The following SLC6A12 variants were observed in gnomAD, a reference collection of about 807,000 sequenced individuals.
The protein encoded by SLC6A12 is sodium- and chloride-dependent betaine transporter.
SLC6A12 carries 50 observed loss-of-function variants against 73.3 expected under a neutral mutation model. The observed-to-expected ratio is 0.68, with a 90% confidence interval of 0.54 to 0.86. The LOEUF is 0.86. SLC6A12 is among the 40% of genes least tolerant of loss of function. The pLI is 0.00. For synonymous variants in SLC6A12, 304 were observed against 309.2 expected (o/e 0.98, Z 0.18); for missense variants, 648 against 772.8 (o/e 0.84, Z 1.92).
intron 7 of SLC6A12, among the ~76,000 whole-genome samples, chr12:200,235 C>G (rs539693247): frequency 6.7e-6 from 1 of 148,376 alleles, no homozygotes; most frequent in South Asian, 2.2e-4. Flanking sequence ...CAGCCTCCTG[C>G]ATAGCTGGGA....
At chr12:185,182 G>A (rs1014467254), downstream of SLC6A12, among the ~76,000 whole-genome samples, 7 of 152,236 alleles carry the variant, frequency 4.6e-5, no homozygotes, top group African/African-American at 9.6e-5. Context: ...AAAGGCTGAG[G>A]CTGGACAGTG....
At chr12:183,893 A>G in the SLC6A12 span, among the ~76,000 whole-genome samples, 2 of 152,182 alleles carry the variant, frequency 1.3e-5, no homozygotes, top group African/African-American at 2.4e-5. Context: ...GATAATTCCA[A>G]TATCATATTA....
intron 3 of SLC6A12, among the ~76,000 whole-genome samples, chr12:208,870 C>T (rs1454807994): frequency 3.3e-5 from 5 of 152,134 alleles, no homozygotes; most frequent in Non-Finnish European, 7.3e-5. Context: ...ATTTTTACAC[C>T]CAGTGCTGAA....
downstream of SLC6A12, among the ~76,000 whole-genome samples, chr12:187,652 C>G (rs541372957): frequency 7.4e-6 from 1 of 135,790 alleles, no homozygotes; most frequent in African/African-American, 2.8e-5. Context: ...ACACAGCACC[C>G]ACTGCACACA....
chr12:209,126 C>T (rs1940792798), intron 3 of SLC6A12, among the ~76,000 whole-genome samples: 1 of 151,956 alleles, frequency 6.6e-6, no homozygotes, highest in Non-Finnish European at 1.5e-5. Context: ...CTGCAGCTTC[C>T]ACCCCCAGGA....
chr12:211,948 G>A (rs1482343202), intron 2 of SLC6A12, 78 bp downstream of exon 2: 1 of 152,192 alleles, frequency 6.6e-6, no homozygotes, highest in Non-Finnish European at 1.5e-5. Context: ...AGGAAGTGAA[G>A]CTCCAAGAGA....
In SLC6A12 at chr12:198,631, A is replaced by AT. The variant is rs1940046444; in HGVS notation, c.846+165dup. The AT allele has an allele frequency of 1.5e-6, 1 of 656,592 alleles. No homozygotes were observed. The highest frequency in any genetic ancestry group is 2.5e-6 in the Non-Finnish European group (1 of 401,688). 40.7% of individuals were successfully genotyped at this position (656,592 alleles called of 1,614,324 possible). ...TATTTGAGTGGTGGAATTACAAGAGATTTTTTTAGTTTCTTTTTTATAGCT... is the reference window on the plus strand; with the variant it reads ...TATTTGAGTGGTGGAATTACAAGAGATTTTTTTTAGTTTCTTTTTTATAGCT... On this transcript the variant is annotated intron_variant, in intron 8 of 15. Transcript: ENST00000684302. This position sits in a 1 kb window ranked among gnomAD's most constrained non-coding sequence, Gnocchi z 4.0.
At chr12:209,623 A>G in intron 3 of SLC6A12, 150 bp downstream of exon 3, 1 of 738,836 alleles carries the variant, frequency 1.4e-6, no homozygotes, top group Non-Finnish European at 2.3e-6. Flanking sequence ...TGAGGCTAGT[A>G]GTGGAGCTGG....
chr12:197,523 A>G, intron 9 of SLC6A12, 22 bp from the exon 10 acceptor site: 3 of 1,606,836 alleles, frequency 1.9e-6, no homozygotes, highest in Non-Finnish European at 2.6e-6. Flanking sequence ...GGGCAAGGGC[A>G]GACAGGAACG....
At chr12:212,892 G>C (rs983042846) in intron 1 of SLC6A12, among the ~76,000 whole-genome samples, 1 of 144,554 alleles carries the variant, frequency 6.9e-6, no homozygotes, top group Non-Finnish European at 1.5e-5. Context: ...AGCCGGGACA[G>C]GGGGGTGAGG....
chr12:207,671 A>T (rs906527865), intron 3 of SLC6A12, among the ~76,000 whole-genome samples: 6 of 152,198 alleles, frequency 3.9e-5, no homozygotes, highest in African/African-American at 1.4e-4. Context: ...AAGCAAAAAA[A>T]TAAAAGACAT....
At chr12:197,180 T>TCTA (rs1939952265) in intron 10 of SLC6A12, among the ~76,000 whole-genome samples, 197 bp downstream of exon 10, 1 of 57,212 alleles carries the variant, frequency 1.7e-5, no homozygotes, top group Non-Finnish European at 4.2e-5. Context: ...CATCCATCCA[T>TCTA]CCATCCATCC....
At chr12:199,498 G>A (rs140439710) in intron 7 of SLC6A12, among the ~76,000 whole-genome samples, 104 of 152,178 alleles carry the variant, frequency 6.8e-4, no homozygotes, top group Non-Finnish European at 1.3e-3. Context: ...GAGCAGCGGC[G>A]GCCGGAGCTC....
downstream of SLC6A12, among the ~76,000 whole-genome samples, chr12:188,999 G>A (rs1198716319): frequency 6.6e-6 from 1 of 152,236 alleles, no homozygotes; most frequent in Non-Finnish European, 1.5e-5. Flanking sequence ...AAAGCCAGGG[G>A]GTCTGGGGCA....
In SLC6A12 at chr12:202,744, G is replaced by A. The variant is rs139532506; in HGVS notation, c.486C>T (p.Asn162=). The A allele has an allele frequency of 2.5e-6, 4 of 1,613,304 alleles. No homozygotes were observed. The African/African-American group carries it at 5.3e-5, about 22-fold the overall frequency. ...AGGGGCTGAAATGATGGATACCTGT[G>A]TTCCAAAAGTTGTTGCAGGTCGTCC... The part of the protein sequence containing the change: ...LPWTTCNNFW[N]TEHCTDFLNH... Residue 162 remains asparagine, a synonymous_variant, in exon 5 of 16, where the codon AAC becomes AAT. Transcript: ENST00000684302.
downstream of SLC6A12, among the ~76,000 whole-genome samples, chr12:187,663 A>G (rs1313699675): frequency 1.4e-5 from 2 of 139,472 alleles, no homozygotes; most frequent in Admixed American, 1.5e-4. Context: ...ACTGCACACA[A>G]CGCGACCCCA....
intron 10 of SLC6A12, among the ~76,000 whole-genome samples, chr12:197,134 C>CATCT (rs1359037447): frequency 2.1e-3 from 211 of 101,570 alleles, no homozygotes; most frequent in African/African-American, 4.4e-3. Context: ...TCCATCCATC[C>CATCT]ATCCATCCAT....
intron 3 of SLC6A12, among the ~76,000 whole-genome samples, chr12:206,782 T>C (rs950366930): frequency 7.2e-5 from 11 of 152,220 alleles, no homozygotes; most frequent in Non-Finnish European, 1.3e-4. Flanking sequence ...TCCCAGGACC[T>C]AGGCTGAGGG....
intron 3 of SLC6A12, among the ~76,000 whole-genome samples, chr12:205,667 A>G (rs1423395102): frequency 6.6e-6 from 1 of 152,238 alleles, no homozygotes; most frequent in Non-Finnish European, 1.5e-5. Context: ...AAAACATAGA[A>G]AGTACAGAGG....
Sources: gnomAD v4.1 joint callset for allele counts (sites outside exome capture counted in the v4.1 genomes callset) on GRCh38, gnomAD v4.1.1 for gene constraint, Gnocchi (gnomAD v3.1) non-coding constraint, MANE v1.5 for transcripts, NCBI Gene and HGNC (gene_info 2026-07-23, HGNC 2026-07-21) for gene names.